PPP1R12C: variants seen among roughly 807,000 people sequenced by gnomAD.
PPP1R12C encodes leukocyte receptor cluster (LRC) encoded novel gene 3.
PPP1R12C carries 48 observed loss-of-function variants against 95.6 expected under a neutral mutation model. The ratio of observed to expected loss-of-function variants is 0.50; its 90% CI spans 0.40 to 0.64. The LOEUF is 0.64. Among genes scored for constraint, PPP1R12C ranks in the 30% least tolerant of loss-of-function variants. The pLI, the probability that PPP1R12C is intolerant of heterozygous loss-of-function variation, is 0.00. For synonymous variants in PPP1R12C, 480 were observed against 460.8 expected, an observed-to-expected ratio of 1.04 and a Z score of -0.53; for missense variants, 1,057 against 1,083.3, an observed-to-expected ratio of 0.98 and a Z score of 0.34.
chr19:55,109,640 G>T lies in PPP1R12C; in HGVS notation c.571+2827C>A, dbSNP rs1015503205. On this transcript the variant is annotated intron_variant, in intron 3 of 21. Transcript: ENST00000263433. This position sits in a 1 kb window ranked among gnomAD's most constrained non-coding sequence, Gnocchi z 4.4. ...GAAGGGGATGGTCGTGCCTGAGGCC[G>T]GTCTGTCTTCTCTCCCAGCCCTGCC... 7.2e-5 allele frequency among the ~76,000 whole-genome samples: 11 copies of T among 152,244 alleles called. No individual in the cohort carries two copies. Among genetic ancestry groups the T allele is most frequent in the Admixed American group, 1.3e-4 (2 of 15,284 alleles).
At chr19:55,092,040 C>G (rs1192516848) in intron 19 of PPP1R12C, 131 bp from the exon 20 acceptor site, 2 of 1,255,382 alleles carry the variant, frequency 1.6e-6, no homozygotes, top group African/African-American at 3.0e-5. Context: ...GGCCAGGCCC[C>G]GCCACCGGCA....
chr19:55,113,466 G>C, intron 1 of PPP1R12C: 2 of 1,480,978 alleles, frequency 1.4e-6, no homozygotes, highest in Non-Finnish European at 1.8e-6. Flanking sequence ...GCAGCCAGGG[G>C]CTGACACGGG....
At chr19:55,095,628 T>TA (rs1568807414) in intron 9 of PPP1R12C, 25 bp from the exon 10 acceptor site, 7 of 1,533,654 alleles carry the variant, frequency 4.6e-6, no homozygotes, top group Admixed American at 2.1e-5. Context: ...AGGTCTCAGT[T>TA]AGAGAGAAAG....
Position 55,095,856 on chromosome 19 carries a change from C to T in PPP1R12C, c.1227+11G>A. Reference sequence around the variant, plus strand: ...CCCAGCCTCACAGGACCTCTCAGGGCATCCACTCACCACGGGACTCTTAGG... The same window carrying T: ...CCCAGCCTCACAGGACCTCTCAGGGTATCCACTCACCACGGGACTCTTAGG... On this transcript the variant is annotated intron_variant, in intron 9 of 21. Coordinates refer to ENST00000263433, the MANE Select transcript of PPP1R12C (RefSeq NM_017607.4). 6.2e-7 allele frequency: 1 copy of T among 1,613,384 alleles called. No individual in the cohort carries two copies. The highest frequency in any genetic ancestry group is 8.5e-7 in the Non-Finnish European group (1 of 1,179,602).
chr19:55,101,964 A>G (rs912689085), intron 4 of PPP1R12C, among the ~76,000 whole-genome samples: 1 of 152,190 alleles, frequency 6.6e-6, no homozygotes, highest in African/African-American at 2.4e-5. Flanking sequence ...CACCGAGAAA[A>G]CCTGACTAAA....
intron 3 of PPP1R12C, among the ~76,000 whole-genome samples, chr19:55,104,793 A>G (rs1360290015): frequency 6.6e-6 from 1 of 150,824 alleles, no homozygotes; most frequent in Non-Finnish European, 1.5e-5. Flanking sequence ...ATATATATAT[A>G]TATGGTCTCG....
At chr19:55,113,347 C>T in intron 1 of PPP1R12C, 1 of 1,353,750 alleles carries the variant, frequency 7.4e-7, no homozygotes, top group South Asian at 1.6e-5. Context: ...GGGACAGACT[C>T]AGGGGCCTGG....
At chr19:55,108,878 G>C (rs112556263) in intron 3 of PPP1R12C, among the ~76,000 whole-genome samples, 3,704 of 152,064 alleles carry the variant, frequency 0.024, 125 homozygotes, top group African/African-American at 0.084. Context: ...GGCTAATTTT[G>C]TATTTTTAGT....
In PPP1R12C at chr19:55,109,422, C is replaced by T. The variant is rs1416158342; in HGVS notation, c.571+3045G>A. 2.0e-5 allele frequency among the ~76,000 whole-genome samples: 3 copies of T among 152,208 alleles called. No homozygotes were observed. The highest frequency in any genetic ancestry group is 7.2e-5 in the African/African-American group (3 of 41,450). ...CTCAAATGGCCTTTTCCGGCCTGAG[C>T]CAGGAGGAACGGGTTTTGGTTCTTG... On this transcript the variant is annotated intron_variant, in intron 3 of 21. Coordinates refer to ENST00000263433, the MANE Select transcript of PPP1R12C (RefSeq NM_017607.4). The surrounding 1 kb of genome is among the most constrained non-coding windows in gnomAD (Gnocchi z 4.4).
rs768490350 is a variant in PPP1R12C, at chr19:55,096,114, G to A, written c.1090C>T (p.Arg364Trp). 6.3e-7 allele frequency: 1 copy of A among 1,598,500 alleles called. No homozygotes were observed. Among genetic ancestry groups the A allele is most frequent in the South Asian group, 1.1e-5 (1 of 89,146 alleles). Reference protein sequence around the residue: ...ISLQDLSKERRPGGAGGPPIQ... With the variant: ...ISLQDLSKERWPGGAGGPPIQ... ...GGGGGCCCCCCAGCCCCACCAGGCC[G>A]GCGCTCCTTGGACAAGTCCTGGAGG... The change falls in exon 8 of 22, where the codon CGG becomes TGG. Residue 364 changes from arginine to tryptophan, a missense_variant. Transcript: ENST00000263433.
chr19:55,095,710 G>A (rs753280886), intron 9 of PPP1R12C, 107 bp from the exon 10 acceptor site: 37 of 1,510,890 alleles, frequency 2.4e-5, no homozygotes, highest in Non-Finnish European at 3.2e-5. Context: ...ATCAGCCCCC[G>A]GGGCAGGCAC....
At chr19:55,099,358 G>A (rs2084957018) in intron 4 of PPP1R12C, among the ~76,000 whole-genome samples, 2 of 152,216 alleles carry the variant, frequency 1.3e-5, no homozygotes, top group Non-Finnish European at 1.5e-5. Flanking sequence ...TGCTGGCAGG[G>A]GGTCACCCTG....
chr19:55,099,127 CA>C (rs2084954607), intron 4 of PPP1R12C, 32 bp from the exon 5 acceptor site: 5 of 1,485,062 alleles, frequency 3.4e-6, no homozygotes, highest in Non-Finnish European at 4.5e-6. Flanking sequence ...GGTCAGAGGC[CA>C]AGGCGGGGCC....
At chr19:55,098,737 A>AGGG in intron 6 of PPP1R12C, 47 bp downstream of exon 6, 1 of 1,609,004 alleles carries the variant, frequency 6.2e-7, no homozygotes, top group Non-Finnish European at 8.5e-7. Context: ...TGAGGAGCTG[A>AGGG]GGGGACATGG....
At chr19:55,103,305 G>A (rs1435894855) in intron 4 of PPP1R12C, 104 bp downstream of exon 4, 3 of 1,162,870 alleles carry the variant, frequency 2.6e-6, no homozygotes, top group African/African-American at 1.6e-5. Context: ...TGTATTTAGA[G>A]GGAAATACAT....
intron 6 of PPP1R12C, among the ~76,000 whole-genome samples, 183 bp from the exon 7 acceptor site, chr19:55,096,518 G>A (rs898660951): frequency 7.2e-5 from 11 of 152,034 alleles, no homozygotes; most frequent in African/African-American, 2.4e-4. Context: ...TCCAGCAGGC[G>A]CCCGCAGCTG....
intron 1 of PPP1R12C, among the ~76,000 whole-genome samples, chr19:55,116,789 G>T (rs1423347390): frequency 6.6e-6 from 1 of 152,172 alleles, no homozygotes; most frequent in Non-Finnish European, 1.5e-5. Context: ...CTCAGGTTCA[G>T]GAGAGGGCAG....
Position 55,112,798 on chromosome 19 carries a change from G to C in PPP1R12C, c.322-3C>G. On this transcript the variant is annotated splice_polypyrimidine_tract_variant and splice_region_variant and intron_variant, in intron 1 of 21. Coordinates refer to ENST00000263433, the MANE Select transcript of PPP1R12C (RefSeq NM_017607.4). Reference sequence around the variant, plus strand: ...TCCAGGTTCTCATCAATGCAGGCCTGGGGGTGGGAAACAGCCGTCAGCCGC... The same window carrying C: ...TCCAGGTTCTCATCAATGCAGGCCTCGGGGTGGGAAACAGCCGTCAGCCGC... 1 of 1,612,246 alleles carries C rather than the reference G, an allele frequency of 6.2e-7. No individual in the cohort carries two copies. Among genetic ancestry groups the C allele is most frequent in the Non-Finnish European group, 8.5e-7 (1 of 1,179,880 alleles).
chr19:55,096,098 C>A lies in PPP1R12C; in HGVS notation c.1106G>T (p.Gly369Val). Residue 369 changes from glycine (G) to valine (V), a missense_variant, in exon 8 of 22, where the codon GGG (glycine) becomes GTG (valine). By Grantham distance (109) the Gly-to-Val change is moderately radical. This residue lies in a region of PPP1R12C where 356 missense variants were observed against 330.5 expected (regional missense o/e 1.08). Coordinates refer to ENST00000263433, the MANE Select transcript of PPP1R12C (RefSeq NM_017607.4). ...ATCCTCGTCCTGGATGGGGGGCCCC[C>A]CAGCCCCACCAGGCCGGCGCTCCTT... The part of the protein sequence containing the change: ...LSKERRPGGA[G>V]GPPIQDEDEG... 6.2e-7 allele frequency: 1 copy of A among 1,600,470 alleles called. No individual in the cohort carries two copies.
Sources: gnomAD v4.1 joint callset for allele counts (sites outside exome capture counted in the v4.1 genomes callset) on GRCh38, gnomAD v4.1.1 for gene constraint, gnomAD v4.1.1 regional missense constraint, Gnocchi (gnomAD v3.1) non-coding constraint, MANE v1.5 for transcripts, NCBI Gene and HGNC (gene_info 2026-07-23, HGNC 2026-07-21) for gene names.